TKT: variants seen among roughly 807,000 people sequenced by gnomAD.
TKT encodes transketolase, also known as epididymis luminal protein 107.
TKT carries 47 observed loss-of-function variants against 63.9 expected under a neutral mutation model. The observed-to-expected ratio is 0.74, with a 90% confidence interval of 0.58 to 0.94. The LOEUF (loss-of-function observed/expected upper bound fraction) is 0.94. TKT is among the 40% of genes least tolerant of loss of function. The pLI, the probability that TKT is intolerant of heterozygous loss-of-function variation, is 0.00. For missense variants in TKT, 721 were observed against 846.2 expected (o/e 0.85, Z 1.84); for synonymous variants, 338 against 334.1 (o/e 1.01, Z -0.13).
chr3:53,243,947 C>T (rs1168124980), intron 1 of TKT, among the ~76,000 whole-genome samples: 3 of 152,218 alleles, frequency 2.0e-5, no homozygotes, highest in African/African-American at 7.2e-5. Flanking sequence ...CTGCCCCATC[C>T]ACCTCGACAC....
chr3:53,233,332 C>G (rs1398697310), intron 5 of TKT, 58 bp from the exon 6 acceptor site: 18 of 1,406,508 alleles, frequency 1.3e-5, no homozygotes, highest in Admixed American at 2.1e-5. Context: ...CACCGAGGAG[C>G]CTTCCAGGGA....
intron 4 of TKT, among the ~76,000 whole-genome samples, chr3:53,237,515 C>A (rs1454753057): frequency 2.9e-5 from 4 of 137,274 alleles, no homozygotes; most frequent in Non-Finnish European, 6.8e-5. Context: ...CACACACACA[C>A]ACACACACAC....
At chr3:53,230,152 C>G (rs1417019902) in intron 8 of TKT, among the ~76,000 whole-genome samples, 6 of 152,214 alleles carry the variant, frequency 3.9e-5, no homozygotes, top group African/African-American at 1.4e-4. Context: ...CCAGGCCTGT[C>G]CTCCACCTGG....
intron 5 of TKT, chr3:53,234,727 G>A (rs2106683427): frequency 2.6e-6 from 1 of 386,254 alleles, no homozygotes; most frequent in East Asian, 4.4e-5. Context: ...GAGATGGTGT[G>A]TGGAAGCTCC....
chr3:53,237,217 G>A (rs927858157), intron 4 of TKT, among the ~76,000 whole-genome samples: 2 of 151,912 alleles, frequency 1.3e-5, no homozygotes, highest in Non-Finnish European at 2.9e-5. Context: ...ATGAAACCCC[G>A]TCTCTACTAA....
At chr3:53,236,046 G>A (rs3773741) in intron 4 of TKT, among the ~76,000 whole-genome samples, 2 of 152,282 alleles carry the variant, frequency 1.3e-5, no homozygotes, top group South Asian at 2.1e-4. Context: ...GGATTCAAAC[G>A]CAGGTCTGAC....
intron 6 of TKT, chr3:53,232,700 G>A: frequency 2.5e-6 from 1 of 398,722 alleles, no homozygotes; most frequent in Non-Finnish European, 4.4e-6. Context: ...CACAGGCCTT[G>A]CTCAGCATCT....
chr3:53,240,510 C>T (rs1705228121), intron 3 of TKT, among the ~76,000 whole-genome samples, 162 bp from the exon 4 acceptor site: 1 of 152,238 alleles, frequency 6.6e-6, no homozygotes. Context: ...TCCTAATGAA[C>T]TAATTATAAT....
chr3:53,246,519 A>G (rs1244496667), intron 1 of TKT, among the ~76,000 whole-genome samples: 1 of 152,210 alleles, frequency 6.6e-6, no homozygotes, highest in African/African-American at 2.4e-5. Flanking sequence ...TTAACAAAGA[A>G]GACCATATTG....
At chr3:53,231,199 ATTCTG>A (rs782077858) in intron 7 of TKT, among the ~76,000 whole-genome samples, 153 bp downstream of exon 7, 31 of 152,180 alleles carry the variant, frequency 2.0e-4, no homozygotes, top group Non-Finnish European at 4.0e-4. Context: ...GATGTCTGTC[ATTCTG>A]AGGGAAGTGA....
intron 1 of TKT, among the ~76,000 whole-genome samples, chr3:53,247,633 CAAAAAAAAAAAA>C: frequency 1.5e-5 from 1 of 66,974 alleles, no homozygotes; most frequent in South Asian, 7.8e-4. Flanking sequence ...GACTCCACCT[CAAAAAAAAAAAA>C]AAAAAAAAAA....
Position 53,228,841 on chromosome 3 carries a change from T to G in TKT, c.1395+166A>C, listed in dbSNP as rs1192310265. The stretch of plus-strand genomic sequence containing the variant: ...GTCTGCCACGTGGCAGTAAGTGGGG[T>G]GTGTATTTCGTTTTTTCTTGTCTAA... On this transcript the variant is annotated intron_variant, in intron 10 of 13. Coordinates refer to ENST00000462138, the MANE Select transcript of TKT (RefSeq NM_001064.4). 2.1e-5 allele frequency: 19 copies of G among 917,712 alleles called. No individual in the cohort carries two copies. The African/African-American group carries it at 2.8e-4, about 14-fold the overall frequency. The allele number at this position is 917,712 out of a possible 1,614,324, so 56.8% of individuals were successfully genotyped here.
At chr3:53,255,767 C>G in intron 1 of TKT, 69 bp downstream of exon 1, 1 of 1,085,318 alleles carries the variant, frequency 9.2e-7, no homozygotes, top group Non-Finnish European at 1.2e-6. Flanking sequence ...GAGCCCGCGG[C>G]GACTCTGGCC....
In TKT at chr3:53,231,683, A is replaced by G. The variant is rs910937327; in HGVS notation, c.749-133T>C. ...GAATGGCATCATCCCAGACAGGCAG[A>G]GCCCAGCCAGGCACGGGGGCCAGGA... is the stretch of plus-strand genomic sequence containing the variant. On this transcript the variant is annotated intron_variant, in intron 6 of 13. Transcript: ENST00000462138. 78 of 948,598 alleles carry G rather than the reference A, an allele frequency of 8.2e-5. No homozygotes were observed. The Middle Eastern group carries it at 1.9e-3, about 23-fold the overall frequency. The allele number at this position is 948,598 out of a possible 1,614,324, so 58.8% of individuals were successfully genotyped here. A position where few individuals can be genotyped will look rare whatever the true frequency, so the allele number is the denominator to read the frequency against.
At chr3:53,233,111 CTGGG>C in intron 6 of TKT, 41 bp downstream of exon 6, 2 of 1,551,752 alleles carry the variant, frequency 1.3e-6, no homozygotes, top group Non-Finnish European at 1.8e-6. Context: ...GCCACAGTGT[CTGGG>C]CGAGGGGTGA....
In TKT at chr3:53,230,490, G is replaced by T; in HGVS notation, c.1074C>A (p.Arg358=). Reference sequence around the variant, plus strand: ...GCTCAGCAATGTAGCACTCGATGAAGCGGTCCGGGTGCTCCTTTTTGAAGA... The same window carrying T: ...GCTCAGCAATGTAGCACTCGATGAATCGGTCCGGGTGCTCCTTTTTGAAGA... The part of the protein sequence containing the change: ...SEIFKKEHPD[R]FIECYIAEQN... The change falls in exon 8 of 14, where the codon CGC becomes CGA. Residue 358 remains arginine, a synonymous_variant. Coordinates refer to ENST00000462138, the MANE Select transcript of TKT (RefSeq NM_001064.4). The T allele has an allele frequency of 6.2e-7, 1 of 1,614,212 alleles. No individual in the cohort carries two copies. The highest frequency in any genetic ancestry group is 8.5e-7 in the Non-Finnish European group (1 of 1,180,030).
chr3:53,253,426 C>T (rs1705843069), intron 1 of TKT, among the ~76,000 whole-genome samples: 1 of 152,050 alleles, frequency 6.6e-6, no homozygotes, highest in African/African-American at 2.4e-5. Flanking sequence ...TCTGCCTCAG[C>T]CTCCCATGTA....
intron 1 of TKT, among the ~76,000 whole-genome samples, chr3:53,252,770 G>A (rs1488043476): frequency 6.6e-6 from 1 of 151,968 alleles, no homozygotes; most frequent in Non-Finnish European, 1.5e-5. Flanking sequence ...ATCCACCGCG[G>A]CTGTACCTGG....
intron 13 of TKT, chr3:53,226,485 C>T: frequency 6.4e-6 from 3 of 467,824 alleles, no homozygotes; most frequent in Non-Finnish European, 1.2e-5. Context: ...TCAGGGACGC[C>T]ACCATCCACC....
Sources: allele counts gnomAD v4.1 joint callset (sites outside exome capture counted in the v4.1 genomes callset), GRCh38; gene constraint gnomAD v4.1.1; transcripts MANE v1.5; gene names NCBI Gene and HGNC (gene_info 2026-07-23, HGNC 2026-07-21).